PKHD1: variants seen among roughly 807,000 people sequenced by gnomAD.
PKHD1 encodes PKHD1 ciliary IPT domain containing fibrocystin/polyductin.
A neutral mutation model predicts 412.0 loss-of-function variants in PKHD1; 291 were observed. That is an observed-to-expected ratio of 0.71 (90% CI 0.64 to 0.78). The LOEUF (loss-of-function observed/expected upper bound fraction) is 0.78, where lower values mean the gene tolerates loss of function less well. Among genes scored for constraint, PKHD1 ranks in the 30% least tolerant of loss-of-function variants. The probability of loss-of-function intolerance (pLI) is 0.00; values close to 1 mark genes in which losing one functional copy is unlikely to be tolerated. For synonymous variants in PKHD1, 1,777 were observed against 1,821.5 expected, an observed-to-expected ratio of 0.98 and a Z score of 0.62; for missense variants, 4,825 against 4,950.7, an observed-to-expected ratio of 0.97 and a Z score of 0.76.
intron 60 of PKHD1, among the ~76,000 whole-genome samples, chr6:51,664,851 C>T (rs2150449032): frequency 6.6e-6 from 1 of 152,186 alleles, no homozygotes; most frequent in East Asian, 1.9e-4. Flanking sequence ...GAAAGGACCA[C>T]ATGGATTTTG....
intron 60 of PKHD1, among the ~76,000 whole-genome samples, chr6:51,689,014 G>C (rs1214166890): frequency 6.6e-5 from 10 of 152,060 alleles, no homozygotes. Context: ...GCATCATCCT[G>C]ATACCAAAAC....
At chr6:51,975,446 C>T (rs1162177478) in intron 35 of PKHD1, among the ~76,000 whole-genome samples, 3 of 151,912 alleles carry the variant, frequency 2.0e-5, no homozygotes, top group Non-Finnish European at 2.9e-5. Flanking sequence ...AGCTCAACAA[C>T]AACCATAACA....
At chr6:52,066,253 G>T (rs1809686678) in intron 11 of PKHD1, among the ~76,000 whole-genome samples, 176 bp from the exon 12 acceptor site, 1 of 152,010 alleles carries the variant, frequency 6.6e-6, no homozygotes, top group African/African-American at 2.4e-5. Context: ...ATAAGAAAAA[G>T]ACCAGAAGTA....
At chr6:51,814,286 T>G (rs1023667959) in intron 52 of PKHD1, among the ~76,000 whole-genome samples, 1 of 152,178 alleles carries the variant, frequency 6.6e-6, no homozygotes, top group African/African-American at 2.4e-5. Context: ...TCTACGATTC[T>G]CTCAGTCACA....
Position 52,072,104 on chromosome 6 carries a change from A to G in PKHD1, c.602+11T>C, listed in dbSNP as rs1251038769. On this transcript the variant is annotated intron_variant, in intron 8 of 66. Coordinates refer to ENST00000371117, the MANE Select transcript of PKHD1 (RefSeq NM_138694.4). ...CAAGCATGTGCATTGGCAAGATAAT[A>G]AGACACTCACCAGCTTCCCATCTGC... 2 of 1,540,422 alleles carry G rather than the reference A, an allele frequency of 1.3e-6. No homozygotes were observed. Among genetic ancestry groups the G allele is most frequent in the South Asian group, 1.1e-5 (1 of 89,606 alleles).
chr6:51,618,685 C>T lies in PKHD1; in HGVS notation c.*396G>A. ...GGAATTAAACTGTAGCTGACCAGAC[C>T]TTTTCATGATCCCTTCTATAAAAGA... On this transcript the variant is annotated 3_prime_UTR_variant, in exon 67 of 67. Transcript: ENST00000371117. 1 of 318,504 alleles carries T rather than the reference C, an allele frequency of 3.1e-6. No individual in the cohort carries two copies. The highest frequency in any genetic ancestry group is 2.8e-5 in the South Asian group (1 of 35,764). The allele number at this position is 318,504 out of a possible 1,614,324, so 19.7% of individuals were successfully genotyped here.
chr6:51,920,776 A>G (rs867433000), intron 37 of PKHD1, among the ~76,000 whole-genome samples: 54 of 152,168 alleles, frequency 3.5e-4, no homozygotes, highest in African/African-American at 1.2e-3. Context: ...TTGGTAAGCT[A>G]TTAATTATTG....
chr6:52,063,343 T>C (rs986176623), intron 13 of PKHD1, among the ~76,000 whole-genome samples: 3 of 152,230 alleles, frequency 2.0e-5, no homozygotes, highest in Admixed American at 2.0e-4. Context: ...AATTCCTTGA[T>C]GTCCTTGCAT....
rs745888824 is a variant in PKHD1 at position 51,619,144 on chromosome 6, G to A, written c.12162C>T (p.Cys4054=). Residue 4054 remains cysteine, a synonymous_variant, in exon 67 of 67, where the codon TGC becomes TGT. Transcript: ENST00000371117. ...GAAGGCAGAATGCCTCAGTGGCCCC[G>A]CAGGAGGCTTTCTTCTCTTGGGAAA... ...LGLSQEKKAS[C]GATEAFCLHS... 18 of 1,614,090 alleles carry A rather than the reference G, an allele frequency of 1.1e-5. No homozygotes were observed. Among genetic ancestry groups the A allele is most frequent in the Middle Eastern group, 1.6e-4 (1 of 6,078 alleles).
chr6:52,062,590 C>A lies in PKHD1; in HGVS notation c.1047G>T (p.Gly349=). The change falls in exon 14 of 67, where the codon GGG becomes GGT. Residue 349 remains glycine, a synonymous_variant. Transcript: ENST00000371117. The part of the protein sequence containing the change: ...EGLELTEATP[G]YRWQIVPNAS... Reference sequence around the variant, plus strand: ...CATTAGGGACAATCTGCCACCTGTACCCTGGGGTGGCTTCAGTCAGTTCCA... The same window carrying A: ...CATTAGGGACAATCTGCCACCTGTAACCTGGGGTGGCTTCAGTCAGTTCCA... The A allele has an allele frequency of 2.5e-6, 4 of 1,613,936 alleles. No homozygotes were observed. The South Asian group carries it at 4.4e-5, about 18-fold the overall frequency.
intron 52 of PKHD1, among the ~76,000 whole-genome samples, chr6:51,791,961 T>G (rs1237849802): frequency 6.6e-6 from 1 of 152,100 alleles, no homozygotes; most frequent in Non-Finnish European, 1.5e-5. Context: ...GTAAGCTATC[T>G]CTAATTCCCT....
chr6:51,989,905 A>G (rs113610698), intron 35 of PKHD1, among the ~76,000 whole-genome samples: 21 of 66,694 alleles, frequency 3.1e-4, no homozygotes, highest in South Asian at 1.7e-3. Flanking sequence ...AGGAGGGAGG[A>G]AGGAAGGAAG....
At chr6:51,711,308 C>T (rs945694529) in intron 60 of PKHD1, among the ~76,000 whole-genome samples, 6 of 152,170 alleles carry the variant, frequency 3.9e-5, no homozygotes, top group African/African-American at 1.4e-4. Context: ...TCCCCCACTC[C>T]TGTTCCCTGG....
intron 11 of PKHD1, among the ~76,000 whole-genome samples, chr6:52,068,784 G>A (rs1810141320): frequency 1.3e-5 from 2 of 152,186 alleles, no homozygotes; most frequent in Admixed American, 1.3e-4. Context: ...AAATGCAGCT[G>A]TTGCAGGATT....
Position 51,970,372 on chromosome 6 carries a change from T to C in PKHD1, c.5752-10346A>G, listed in dbSNP as rs548271326. 5.9e-5 allele frequency among the ~76,000 whole-genome samples: 9 copies of C among 152,366 alleles called. No homozygotes were observed. In the South Asian group the frequency reaches 1.9e-3, roughly 32 times the overall value. On this transcript the variant is annotated intron_variant, in intron 35 of 66. Coordinates refer to ENST00000371117, the MANE Select transcript of PKHD1 (RefSeq NM_138694.4). ...TTAGTCCTTTGTTGTATCTGTAGTT[T>C]GCAAATATTTTCTACTGTTCTGCAG...
chr6:52,043,203 C>A, intron 26 of PKHD1, 69 bp from the exon 27 acceptor site: 1 of 1,218,366 alleles, frequency 8.2e-7, no homozygotes, highest in Non-Finnish European at 1.2e-6. Context: ...ATTTGAGAGA[C>A]CTCTCACTAT....
In PKHD1 at chr6:52,062,532, C is replaced by G; in HGVS notation, c.1105G>C (p.Gly369Arg). 6.2e-7 allele frequency: 1 copy of G among 1,614,062 alleles called. No individual in the cohort carries two copies. Among genetic ancestry groups the G allele is most frequent in the Non-Finnish European group, 8.5e-7 (1 of 1,179,940 alleles). ...CCTACAACATACCTGAAAGGTTGTC[C>G]TTCCTGTGACCAAAACCCAAATGGA... ...SSPFGFWSQEGQPFRARLSGF... is the reference protein window; with the variant it reads ...SSPFGFWSQERQPFRARLSGF... Residue 369 changes from glycine to arginine, a missense_variant, in exon 14 of 67, where the codon GGA becomes CGA. Gly to Arg is a moderately radical substitution (Grantham distance 125). Transcript: ENST00000371117.
intron 60 of PKHD1, among the ~76,000 whole-genome samples, chr6:51,680,129 A>C (rs779746797): frequency 8.2e-4 from 125 of 152,084 alleles, no homozygotes; most frequent in Non-Finnish European, 1.6e-3. Flanking sequence ...AAAGCATAAT[A>C]TATATTATTA....
chr6:51,827,748 T>C (rs1767560130), intron 52 of PKHD1, among the ~76,000 whole-genome samples: 1 of 152,150 alleles, frequency 6.6e-6, no homozygotes, highest in African/African-American at 2.4e-5. Context: ...GTCACAGTTG[T>C]ATGGAACTTG....
Sources: allele counts gnomAD v4.1 joint callset (sites outside exome capture counted in the v4.1 genomes callset), GRCh38; gene constraint gnomAD v4.1.1; transcripts MANE v1.5; gene names NCBI Gene and HGNC (gene_info 2026-07-23, HGNC 2026-07-21).